The following TRIM24 variants were observed in gnomAD, a reference collection of about 807,000 sequenced individuals.
TRIM24 encodes the protein tripartite motif containing 24.
TRIM24 carries 29 observed loss-of-function variants against 123.9 expected under a neutral mutation model. The ratio of observed to expected loss-of-function variants is 0.23; its 90% CI spans 0.17 to 0.32. TRIM24 has a LOEUF of 0.32. TRIM24 is among the 10% of genes least tolerant of loss of function. The pLI, the probability that TRIM24 is intolerant of heterozygous loss-of-function variation, is 1.00. For synonymous variants in TRIM24, 456 were observed against 461.1 expected, an observed-to-expected ratio of 0.99 and a Z score of 0.14; for missense variants, 932 against 1,295.3, an observed-to-expected ratio of 0.72 and a Z score of 4.31.
chr7:138,580,806 AGAG>A (rs1240477170), intron 16 of TRIM24, 112 bp downstream of exon 16: 1 of 1,052,062 alleles, frequency 9.5e-7, no homozygotes, highest in Non-Finnish European at 1.3e-6. Flanking sequence ...TTTTTATTTA[AGAG>A]TATTTTTTTT....
In TRIM24 at chr7:138,577,401, TTC is replaced by T. The variant is rs751725836; in HGVS notation, c.2088-12_2088-11del. 6 of 1,496,644 alleles carry T rather than the reference TTC, an allele frequency of 4.0e-6. No homozygotes were observed. Among genetic ancestry groups the T allele is most frequent in the African/African-American group, 2.9e-5 (2 of 69,428 alleles). The allele number at this position is 1,496,644 out of a possible 1,614,324, so 92.7% of individuals were successfully genotyped here. A position where few individuals can be genotyped will look rare whatever the true frequency, so the allele number is the denominator to read the frequency against. ...CTTAACATTCTTAGATTGCTTTTTC[TTC>T]TCTCTCATACTTACAGCTCTGGCTC... On this transcript the variant is annotated splice_polypyrimidine_tract_variant and intron_variant, in intron 13 of 18. Coordinates refer to ENST00000343526, the MANE Select transcript of TRIM24 (RefSeq NM_015905.3).
At chr7:138,465,938 C>T (rs1171318697) in intron 1 of TRIM24, among the ~76,000 whole-genome samples, 2 of 152,094 alleles carry the variant, frequency 1.3e-5, no homozygotes, top group Non-Finnish European at 2.9e-5. Flanking sequence ...CTTTATAGAC[C>T]CTCCAGCAGT....
Position 138,588,794 on chromosome 7 carries a change from C to G in TRIM24, c.*3843C>G, listed in dbSNP as rs188089325. 2 of 152,346 alleles carry G rather than the reference C, an allele frequency of 1.3e-5. No individual in the cohort carries two copies. Among genetic ancestry groups the G allele is most frequent in the East Asian group, 3.9e-4 (2 of 5,184 alleles). The allele number at this position is 152,346 out of a possible 1,614,324, so 9.4% of individuals were successfully genotyped here. On this transcript the variant is annotated 3_prime_UTR_variant, in exon 19 of 19. Coordinates refer to ENST00000343526, the MANE Select transcript of TRIM24 (RefSeq NM_015905.3). ...CCGAGGTGGGTGGATCACCTGAAGT[C>G]AGGAGCTCAAGACCAGCCTGGCCAA...
intron 1 of TRIM24, among the ~76,000 whole-genome samples, chr7:138,485,713 C>T (rs574719360): frequency 2.5e-4 from 38 of 152,192 alleles, no homozygotes; most frequent in African/African-American, 4.3e-4. Context: ...GGTGTATATG[C>T]GCCACATTTT....
In TRIM24 at chr7:138,484,413, AT is replaced by A. The variant is rs112148131; in HGVS notation, c.365-19864del. 5.6e-3 allele frequency among the ~76,000 whole-genome samples: 825 copies of A among 146,154 alleles called. 8 individuals are homozygous for A. Among genetic ancestry groups the A allele is most frequent in the African/African-American group, 0.018 (703 of 39,820 alleles). The stretch of plus-strand genomic sequence containing the variant: ...CATGAGCCACCACGCCTGGCCTTAG[AT>A]TTTTTTTTTTTTAATATACTTTTTC... On this transcript the variant is annotated intron_variant, in intron 1 of 18. Coordinates refer to ENST00000343526, the MANE Select transcript of TRIM24 (RefSeq NM_015905.3).
chr7:138,485,605 T>A (rs1011029153), intron 1 of TRIM24, among the ~76,000 whole-genome samples: 1 of 152,066 alleles, frequency 6.6e-6, no homozygotes, highest in Admixed American at 6.6e-5. Context: ...CATGCAGCAT[T>A]TGGTTTTCTG....
chr7:138,484,579 A>G (rs1795605644), intron 1 of TRIM24, among the ~76,000 whole-genome samples: 1 of 152,100 alleles, frequency 6.6e-6, no homozygotes, highest in Non-Finnish European at 1.5e-5. Flanking sequence ...CACATGCTGT[A>G]GGATTTGGTT....
chr7:138,581,890 T>G, intron 17 of TRIM24, 119 bp downstream of exon 17: 1 of 727,796 alleles, frequency 1.4e-6, no homozygotes, highest in East Asian at 2.7e-5. Flanking sequence ...CCTTAAATCT[T>G]AATAATACAT....
At chr7:138,525,436 C>A in intron 5 of TRIM24, 79 bp downstream of exon 5, 1 of 741,632 alleles carries the variant, frequency 1.3e-6, no homozygotes, top group Non-Finnish European at 2.0e-6. Context: ...CCTTAAGTCA[C>A]AGTTAAGTAA....
At chr7:138,530,429 CA>C (rs1796705867) in intron 6 of TRIM24, among the ~76,000 whole-genome samples, 1 of 151,864 alleles carries the variant, frequency 6.6e-6, no homozygotes, top group Non-Finnish European at 1.5e-5. Flanking sequence ...TGAACCTGGT[CA>C]GTATATCTAC....
chr7:138,542,479 A>G (rs1027581061), intron 7 of TRIM24, among the ~76,000 whole-genome samples: 8 of 152,212 alleles, frequency 5.3e-5, no homozygotes, highest in African/African-American at 1.9e-4. Flanking sequence ...CAATATTAAC[A>G]TGAAAGACCA....
intron 12 of TRIM24, among the ~76,000 whole-genome samples, 169 bp downstream of exon 12, chr7:138,573,811 T>C (rs1021098377): frequency 6.6e-6 from 1 of 152,222 alleles, no homozygotes; most frequent in Non-Finnish European, 1.5e-5. Flanking sequence ...CTTTATCCTT[T>C]CTTTCTTTTG....
intron 15 of TRIM24, 98 bp downstream of exon 15, chr7:138,579,630 G>A (rs571567987): frequency 6.9e-6 from 7 of 1,008,768 alleles, no homozygotes; most frequent in Middle Eastern, 2.2e-4. Flanking sequence ...AATTCCACTT[G>A]GCACAAGTGT....
chr7:138,502,538 T>TA, intron 1 of TRIM24, among the ~76,000 whole-genome samples: 1 of 152,342 alleles, frequency 6.6e-6, no homozygotes, highest in Admixed American at 6.5e-5. Context: ...TTTAAATACT[T>TA]ACATTGTAGA....
intron 1 of TRIM24, among the ~76,000 whole-genome samples, chr7:138,492,273 CAAAAAAAAAAAAA>C (rs34380067): frequency 5.0e-5 from 3 of 60,028 alleles, no homozygotes; most frequent in African/African-American, 7.6e-5. Flanking sequence ...ACTCTGTCTC[CAAAAAAAAAAAAA>C]AAAAAAAAAA....
At chr7:138,508,700 C>CGCGA (rs1182276337) in intron 2 of TRIM24, among the ~76,000 whole-genome samples, 2 of 35,510 alleles carry the variant, frequency 5.6e-5, no homozygotes, top group African/African-American at 7.3e-5. Flanking sequence ...TGTGCGCGCG[C>CGCGA]GTGTGTGCGT....
At chr7:138,550,625 A>G (rs1461269283) in intron 7 of TRIM24, among the ~76,000 whole-genome samples, 1 of 152,032 alleles carries the variant, frequency 6.6e-6, no homozygotes, top group African/African-American at 2.4e-5. Context: ...GAACTGTAAC[A>G]AGGAACAAGG....
chr7:138,509,297 A>G (rs1366414780), intron 2 of TRIM24, among the ~76,000 whole-genome samples: 1 of 149,500 alleles, frequency 6.7e-6, no homozygotes, highest in African/African-American at 2.4e-5. Flanking sequence ...TCTCTAGGAA[A>G]AAAAAGTTTA....
chr7:138,537,492 A>G (rs1396041221), intron 6 of TRIM24, among the ~76,000 whole-genome samples: 1 of 131,300 alleles, frequency 7.6e-6, no homozygotes. Context: ...TTTATCTGTT[A>G]AGACTCATAA....
Sources: gnomAD v4.1 joint callset for allele counts (sites outside exome capture counted in the v4.1 genomes callset) on GRCh38, gnomAD v4.1.1 for gene constraint, MANE v1.5 for transcripts, NCBI Gene and HGNC (gene_info 2026-07-23, HGNC 2026-07-21) for gene names.